The following EP300 variants were observed in gnomAD, a reference collection of about 807,000 sequenced individuals.
EP300 encodes the protein histone acetyltransferase p300.
A neutral mutation model predicts 264.0 loss-of-function variants in EP300; 31 were observed. The ratio of observed to expected loss-of-function variants is 0.12; its 90% confidence interval spans 0.09 to 0.16. The LOEUF is 0.16. Ranked by LOEUF, EP300 falls within the 10% of genes least tolerant of loss-of-function variation. The probability of loss-of-function intolerance (pLI) is 1.00; values close to 1 mark genes in which losing one functional copy is unlikely to be tolerated. For missense variants in EP300, 2,766 were observed against 3,052.9 expected, an observed-to-expected ratio of 0.91 and a Z score of 2.21; for synonymous variants, 1,340 against 1,045.4, an observed-to-expected ratio of 1.28 and a Z score of -5.44.
chr22:41,172,713 AAT>A, intron 28 of EP300, 50 bp downstream of exon 28: 1 of 1,572,506 alleles, frequency 6.4e-7, no homozygotes, highest in Non-Finnish European at 8.7e-7. Flanking sequence ...TCTAATATTT[AAT>A]CCAGAAGTGC....
Position 41,127,694 on chromosome 22 carries a change from A to G in EP300, c.1114A>G (p.Met372Val), listed in dbSNP as rs1209797540. 2.5e-6 allele frequency: 4 copies of G among 1,614,254 alleles called. No individual in the cohort carries two copies. The highest frequency in any genetic ancestry group is 8.5e-7 in the Non-Finnish European group (1 of 1,180,046). ...RQCNLPHCRT[M>V]KNVLNHMTHC... ...GTGCAACCTTCCCCACTGTCGCACA[A>G]TGAAGAATGTCCTAAACCACATGAC... Residue 372 changes from methionine to valine, a missense_variant, in exon 4 of 31, where the codon ATG becomes GTG. Met to Val is a conservative substitution (Grantham distance 21). Transcript: ENST00000263253.
rs1201708291 is a variant in EP300 at position 41,149,047 on chromosome 22, T to C, written c.2251T>C (p.Tyr751His). The change falls in exon 13 of 31, where the codon TAT (tyrosine) becomes CAT (histidine). Residue 751 changes from tyrosine (Y) to histidine (H), a missense_variant. Transcript: ENST00000263253. ...QPGALNPPMG[Y>H]GPRMQQPSNQ... ...TTTTTTTTTTTTTCAGCCTATGGGC[T>C]ATGGGCCTCGTATGCAACAGCCTTC... The C allele has an allele frequency of 6.2e-7, 1 of 1,613,216 alleles. No individual in the cohort carries two copies. Among genetic ancestry groups the C allele is most frequent in the Non-Finnish European group, 8.5e-7 (1 of 1,179,572 alleles).
At chr22:41,165,030 C>T (rs1286134150) in intron 22 of EP300, among the ~76,000 whole-genome samples, 1 of 152,188 alleles carries the variant, frequency 6.6e-6, no homozygotes, top group Non-Finnish European at 1.5e-5. Context: ...CAAGAAAGGG[C>T]AGGCTAATTG....
At chr22:41,160,127 T>C (rs2059099464) in intron 19 of EP300, 1 of 162,306 alleles carries the variant, frequency 6.2e-6, no homozygotes, top group Admixed American at 5.9e-5. Context: ...CCTGGTATAT[T>C]TATCCTTCTT....
chr22:41,155,171 G>A, intron 17 of EP300, 58 bp downstream of exon 17: 4 of 1,232,384 alleles, frequency 3.2e-6, no homozygotes, highest in African/African-American at 1.5e-5. Context: ...GCTTTATTGA[G>A]AGATAATTCA....
At chr22:41,129,311 A>G (rs949043654) in intron 4 of EP300, among the ~76,000 whole-genome samples, 1 of 152,140 alleles carries the variant, frequency 6.6e-6, no homozygotes, top group East Asian at 1.9e-4. Flanking sequence ...GCGCCCGGCC[A>G]AAACACACTA....
intron 6 of EP300, among the ~76,000 whole-genome samples, chr22:41,134,902 C>CTT (rs970948116): frequency 6.6e-6 from 1 of 151,212 alleles, no homozygotes; most frequent in Non-Finnish European, 1.5e-5. Context: ...TTGCTTTTTT[C>CTT]TTTCTTTCTT....
At position 41,119,183 on chromosome 22, in the gene EP300, T is replaced by A. The variant is rs1404970237; in HGVS notation, c.729+1362T>A. Among the ~76,000 whole-genome samples the A allele has an allele frequency of 5.9e-3, 671 of 113,350 alleles. 18 individuals are homozygous for A. Among genetic ancestry groups the A allele is most frequent in the South Asian group, 0.015 (52 of 3,474 alleles). 74.4% of individuals were successfully genotyped at this position (113,350 alleles called of 152,430 possible). A position where few individuals can be genotyped will look rare whatever the true frequency, so the allele number is the denominator to read the frequency against. On this transcript the variant is annotated intron_variant, in intron 2 of 30. Coordinates refer to ENST00000263253, the MANE Select transcript of EP300 (RefSeq NM_001429.4). ...ATGCCTGGCTTATTATTATTTTTTT[T>A]TTTTTTTTTTTTTTTTTTAAGAGAT...
chr22:41,158,353 T>TA lies in EP300; in HGVS notation c.3502-58dup, dbSNP rs770568598. ...ACTTCTGTTTCTGACTTGCCATTCT[T>TA]ACTGTTCTAGCTTGTCCTTAAGGCC... On this transcript the variant is annotated intron_variant, in intron 18 of 30. Transcript: ENST00000263253. 5.0e-6 allele frequency: 7 copies of TA among 1,402,086 alleles called. No individual in the cohort carries two copies. In the Admixed American group the frequency reaches 5.3e-5, roughly 11 times the overall value. 86.9% of individuals were successfully genotyped at this position (1,402,086 alleles called of 1,614,324 possible).
intron 2 of EP300, among the ~76,000 whole-genome samples, chr22:41,125,279 C>T (rs1302394322): frequency 4.0e-5 from 6 of 151,696 alleles, no homozygotes; most frequent in South Asian, 2.1e-4. Flanking sequence ...CCACCACACC[C>T]GGCTAATTTT....
intron 16 of EP300, among the ~76,000 whole-genome samples, chr22:41,152,707 G>T (rs1237549380): frequency 1.3e-5 from 2 of 151,950 alleles, no homozygotes; most frequent in African/African-American, 4.8e-5. Context: ...TTCACCTGCT[G>T]TGTGCTAAGT....
intron 1 of EP300, among the ~76,000 whole-genome samples, chr22:41,113,913 T>G (rs1319418906): frequency 2.0e-5 from 3 of 152,228 alleles, no homozygotes; most frequent in Non-Finnish European, 2.9e-5. Context: ...TCAATTTCCT[T>G]TGTGATTTCT....
chr22:41,103,554 G>A (rs893300370), intron 1 of EP300, among the ~76,000 whole-genome samples: 2 of 152,194 alleles, frequency 1.3e-5, no homozygotes, highest in African/African-American at 4.8e-5. Flanking sequence ...TGGAGAAAAT[G>A]TATATTTGAA....
chr22:41,137,234 G>C (rs959988930), intron 7 of EP300, among the ~76,000 whole-genome samples: 2 of 151,084 alleles, frequency 1.3e-5, no homozygotes, highest in Non-Finnish European at 2.9e-5. Flanking sequence ...GCGGGTGCCT[G>C]TAATCCCACC....
intron 24 of EP300, 33 bp from the exon 25 acceptor site, chr22:41,168,688 T>C (rs371632653): frequency 5.8e-5 from 94 of 1,614,152 alleles, no homozygotes; most frequent in Non-Finnish European, 7.5e-5. Context: ...GAATGAGTTA[T>C]GTTGTGGTTC....
At chr22:41,176,218 T>C (rs2059199552) in intron 29 of EP300, 29 bp from the exon 30 acceptor site, 4 of 1,613,488 alleles carry the variant, frequency 2.5e-6, no homozygotes, top group South Asian at 1.1e-5. Context: ...AGGCCCTGTC[T>C]CAAAAAAAAG....
At chr22:41,095,548 AT>A (rs796399083) in intron 1 of EP300, among the ~76,000 whole-genome samples, 2,695 of 145,706 alleles carry the variant, frequency 0.018, 72 homozygotes, top group African/African-American at 0.064. Flanking sequence ...TATATCTTGA[AT>A]TTTTTTTTTT....
intron 17 of EP300, among the ~76,000 whole-genome samples, chr22:41,156,576 C>T (rs775839105): frequency 2.6e-5 from 4 of 152,160 alleles, no homozygotes; most frequent in African/African-American, 9.6e-5. Flanking sequence ...TAAAAAGTAA[C>T]TGGGCGTGGT....
chr22:41,132,275 A>T (rs1196057482), intron 6 of EP300, among the ~76,000 whole-genome samples: 5 of 134,420 alleles, frequency 3.7e-5, no homozygotes, highest in Non-Finnish European at 7.7e-5. Flanking sequence ...ATAGTATGTC[A>T]TTCTTTCATT....
Sources: gnomAD v4.1 joint callset for allele counts (sites outside exome capture counted in the v4.1 genomes callset) on GRCh38, gnomAD v4.1.1 for gene constraint, MANE v1.5 for transcripts, NCBI Gene and HGNC (gene_info 2026-07-23, HGNC 2026-07-21) for gene names.